The following SESTD1 variants were observed in gnomAD, a reference collection of about 807,000 sequenced individuals.
The protein encoded by SESTD1 is SEC14 domain and spectrin repeat-containing protein 1.
Under a neutral mutation model 101.7 loss-of-function variants are expected in SESTD1, and 43 were observed. That is an observed-to-expected ratio of 0.42 (90% confidence interval 0.33 to 0.55). The LOEUF (loss-of-function observed/expected upper bound fraction) is 0.55, where lower values mean the gene tolerates loss of function less well. Among genes scored for constraint, SESTD1 ranks in the 20% least tolerant of loss-of-function variants. The pLI, the probability that SESTD1 is intolerant of heterozygous loss-of-function variation, is 0.07. For missense variants in SESTD1, 647 were observed against 815.1 expected (o/e 0.79, Z 2.51); for synonymous variants, 283 against 286.8 (o/e 0.99, Z 0.13).
chr2:179,134,279 G>GT (rs1174718293), intron 9 of SESTD1, among the ~76,000 whole-genome samples: 1 of 152,054 alleles, frequency 6.6e-6, no homozygotes, highest in Non-Finnish European at 1.5e-5. Context: ...TTTTCATCCC[G>GT]TTTTTCACTT....
At chr2:179,158,471 G>A (rs1055061013) in intron 5 of SESTD1, among the ~76,000 whole-genome samples, 13 of 152,026 alleles carry the variant, frequency 8.6e-5, no homozygotes, top group African/African-American at 1.7e-4. Context: ...TACATACAAC[G>A]GAAGTTTATT....
intron 4 of SESTD1, among the ~76,000 whole-genome samples, chr2:179,172,940 T>C (rs1364105455): frequency 6.6e-6 from 1 of 152,198 alleles, no homozygotes; most frequent in African/African-American, 2.4e-5. Flanking sequence ...ATATCATCAT[T>C]ACAAGGCTCC....
At chr2:179,142,107 T>G (rs1438393645) in intron 9 of SESTD1, among the ~76,000 whole-genome samples, 1 of 152,220 alleles carries the variant, frequency 6.6e-6, no homozygotes, top group Admixed American at 6.5e-5. Context: ...ACCACCTGTT[T>G]TTGTATAATA....
chr2:179,137,381 C>A (rs1410838173), intron 9 of SESTD1, among the ~76,000 whole-genome samples: 1 of 152,102 alleles, frequency 6.6e-6, no homozygotes, highest in East Asian at 1.9e-4. Flanking sequence ...AACCATCTAA[C>A]CTGGAGAAAG....
intron 1 of SESTD1, among the ~76,000 whole-genome samples, chr2:179,236,877 A>G (rs2047076623): frequency 6.6e-6 from 1 of 151,952 alleles, no homozygotes; most frequent in Non-Finnish European, 1.5e-5. Context: ...ATATAAAACC[A>G]TATTTTACCA....
chr2:179,158,991 GGGTGAA>G (rs1290670813), intron 5 of SESTD1, among the ~76,000 whole-genome samples: 3 of 152,292 alleles, frequency 2.0e-5, no homozygotes, highest in Non-Finnish European at 4.4e-5. Flanking sequence ...TTGTTTAAGA[GGGTGAA>G]GGTGAGGAGA....
intron 4 of SESTD1, among the ~76,000 whole-genome samples, chr2:179,172,712 A>T (rs1212445956): frequency 2.0e-5 from 3 of 152,240 alleles, no homozygotes; most frequent in Non-Finnish European, 4.4e-5. Flanking sequence ...AACTTGAAGA[A>T]GAGGACAAAA....
At chr2:179,141,738 G>T (rs182107801) in intron 9 of SESTD1, among the ~76,000 whole-genome samples, 3 of 147,012 alleles carry the variant, frequency 2.0e-5, no homozygotes, top group African/African-American at 7.7e-5. Flanking sequence ...AGTGGTAGAA[G>T]AGGGTAGATT....
chr2:179,147,982 A>G (rs1262792210), intron 7 of SESTD1, among the ~76,000 whole-genome samples: 5 of 152,216 alleles, frequency 3.3e-5, no homozygotes, highest in African/African-American at 1.2e-4. Flanking sequence ...ACACAATCAC[A>G]TATTTATATA....
chr2:179,178,885 A>G (rs1445132120), intron 3 of SESTD1, among the ~76,000 whole-genome samples: 2 of 152,250 alleles, frequency 1.3e-5, no homozygotes, highest in East Asian at 3.8e-4. Context: ...AAAGCACACT[A>G]TAAATTAATC....
At chr2:179,237,712 C>T (rs1245631347) in intron 1 of SESTD1, among the ~76,000 whole-genome samples, 1 of 152,074 alleles carries the variant, frequency 6.6e-6, no homozygotes, top group African/African-American at 2.4e-5. Flanking sequence ...GACACATATG[C>T]CAAATATAGA....
At chr2:179,113,131 AACTAG>A (rs1430127718) in intron 16 of SESTD1, among the ~76,000 whole-genome samples, 6 of 152,226 alleles carry the variant, frequency 3.9e-5, no homozygotes. Flanking sequence ...GAAAGAAAAT[AACTAG>A]ACTACTATTT....
intron 1 of SESTD1, among the ~76,000 whole-genome samples, chr2:179,233,195 G>T (rs985396009): frequency 6.6e-6 from 1 of 152,166 alleles, no homozygotes; most frequent in Admixed American, 6.5e-5. Flanking sequence ...GTATTCTCAG[G>T]ATGTAAACAA....
intron 2 of SESTD1, among the ~76,000 whole-genome samples, chr2:179,188,277 T>C (rs2046265832): frequency 6.6e-6 from 1 of 152,138 alleles, no homozygotes; most frequent in Admixed American, 6.5e-5. Flanking sequence ...ACCAAGAAGA[T>C]CTCTCAAAAC....
At chr2:179,144,340 G>C (rs1176725759) in intron 8 of SESTD1, among the ~76,000 whole-genome samples, 1 of 151,928 alleles carries the variant, frequency 6.6e-6, no homozygotes, top group Non-Finnish European at 1.5e-5. Flanking sequence ...ATTAAAGGGA[G>C]AAAAGTTTTT....
intron 1 of SESTD1, among the ~76,000 whole-genome samples, chr2:179,243,388 C>G (rs902539512): frequency 3.9e-5 from 6 of 152,228 alleles, no homozygotes; most frequent in African/African-American, 1.2e-4. Flanking sequence ...ACCATTCGAC[C>G]CAGCAATCCC....
intron 5 of SESTD1, among the ~76,000 whole-genome samples, chr2:179,160,365 A>G (rs191031595): frequency 6.8e-4 from 104 of 152,272 alleles, no homozygotes; most frequent in African/African-American, 2.3e-3. Context: ...AAGCTACAAA[A>G]AAAGCTTTGA....
intron 13 of SESTD1, among the ~76,000 whole-genome samples, chr2:179,119,242 T>C (rs1303131626): frequency 6.6e-6 from 1 of 152,202 alleles, no homozygotes. Flanking sequence ...GTTTAAGATC[T>C]TGACCATAAA....
chr2:179,257,146 G>T (rs928036978), intron 1 of SESTD1, among the ~76,000 whole-genome samples: 3 of 151,326 alleles, frequency 2.0e-5, no homozygotes, highest in Non-Finnish European at 2.9e-5. Context: ...TTAAAATCAG[G>T]ACACATCTCA....
Sources: gnomAD v4.1 joint callset for allele counts (sites outside exome capture counted in the v4.1 genomes callset) on GRCh38, gnomAD v4.1.1 for gene constraint, MANE v1.5 for transcripts, NCBI Gene and HGNC (gene_info 2026-07-23, HGNC 2026-07-21) for gene names.